Variants in SLC12A3 observed in about 807,000 individuals in gnomAD.
SLC12A3 encodes the protein solute carrier family 12 member 3, also known as Na-Cl cotransporter.
SLC12A3 carries 104 observed loss-of-function variants against 121.0 expected under a neutral mutation model. The ratio of observed to expected loss-of-function variants is 0.86; its 90% confidence interval spans 0.73 to 1.01. The LOEUF (loss-of-function observed/expected upper bound fraction) is 1.01. Among genes scored for constraint, SLC12A3 ranks in the 50% least tolerant of loss-of-function variants. SLC12A3 has a pLI of 0.00. For synonymous variants in SLC12A3, 536 were observed against 533.4 expected, an observed-to-expected ratio of 1.00 and a Z score of -0.07; for missense variants, 1,328 against 1,356.3, an observed-to-expected ratio of 0.98 and a Z score of 0.33.
Position 56,893,155 on chromosome 16 carries a change from G to T in SLC12A3, c.2521+101G>T. The T allele has an allele frequency of 4.2e-6, 4 of 962,328 alleles. No individual in the cohort carries two copies. In the South Asian group the frequency reaches 5.6e-5, roughly 14 times the overall value. The allele number at this position is 962,328 out of a possible 1,614,324, so 59.6% of individuals were successfully genotyped here. A position where few individuals can be genotyped will look rare whatever the true frequency, so the allele number is the denominator to read the frequency against. On this transcript the variant is annotated intron_variant, in intron 21 of 25. Coordinates refer to ENST00000563236, the MANE Select transcript of SLC12A3 (RefSeq NM_001126108.2). ...TGGCCTGCTCTCAAAGGGGACAGGG[G>T]CTCCTGGGCCCAGCAGTGAGCTCAG...
In SLC12A3 at chr16:56,902,625, C is replaced by T. The variant is rs1419058187; in HGVS notation, c.2856+117C>T. 93 of 1,297,978 alleles carry T rather than the reference C, an allele frequency of 7.2e-5. 2 individuals are homozygous for T. The highest frequency in any genetic ancestry group is 5.0e-4 in the South Asian group (40 of 79,706). The allele number at this position is 1,297,978 out of a possible 1,614,324, so 80.4% of individuals were successfully genotyped here. A position where few individuals can be genotyped will look rare whatever the true frequency, so the allele number is the denominator to read the frequency against. Reference sequence around the variant, plus strand: ...CGATCCTCCACCCTGCCTTCCACTCCGGCCCCTGAGGTATCCTCAAGCCAC... The same window carrying T: ...CGATCCTCCACCCTGCCTTCCACTCTGGCCCCTGAGGTATCCTCAAGCCAC... On this transcript the variant is annotated intron_variant, in intron 24 of 25. Transcript: ENST00000563236.
chr16:56,886,414 T>C lies in SLC12A3; in HGVS notation c.1976T>C (p.Val659Ala), dbSNP rs1260703178. 1 of 1,613,934 alleles carries C rather than the reference T, an allele frequency of 6.2e-7. No individual in the cohort carries two copies. The highest frequency in any genetic ancestry group is 8.5e-7 in the Non-Finnish European group (1 of 1,180,028). The change falls in exon 16 of 26, where the codon GTG becomes GCG. Residue 659 changes from valine to alanine, a missense_variant. Physicochemically the swap from Val to Ala is moderately conservative, Grantham distance 64. Coordinates refer to ENST00000563236, the MANE Select transcript of SLC12A3 (RefSeq NM_001126108.2). ...TGPPNFRPAL[V>A]DFVGTFTRNL... Reference sequence around the variant, plus strand: ...CCCCCCAACTTCCGCCCGGCCCTGGTGGACTTTGTGGGCACCTTCACCCGG... The same window carrying C: ...CCCCCCAACTTCCGCCCGGCCCTGGCGGACTTTGTGGGCACCTTCACCCGG...
intron 13 of SLC12A3, 142 bp from the exon 14 acceptor site, chr16:56,883,907 G>T (rs35121853): frequency 4.2e-4 from 343 of 812,028 alleles, no homozygotes; most frequent in Non-Finnish European, 6.5e-4. Context: ...GGCAGGGTGG[G>T]TGGTGCTCAT....
intron 15 of SLC12A3, 51 bp from the exon 16 acceptor site, chr16:56,886,313 C>A (rs895326572): frequency 1.4e-6 from 2 of 1,382,898 alleles, no homozygotes; most frequent in Non-Finnish European, 2.1e-6. Flanking sequence ...GCACCCAGAC[C>A]CCCGTGGGCT....
rs13306668 is a variant in SLC12A3 at position 56,879,088 on chromosome 16, G to A, written c.1196G>A (p.Arg399His). 62 of 1,611,698 alleles carry A rather than the reference G, an allele frequency of 3.8e-5. No individual in the cohort carries two copies. Among genetic ancestry groups the A allele is most frequent in the East Asian group, 3.1e-4 (14 of 44,860 alleles). Residue 399 changes from arginine to histidine, a missense_variant, in exon 10 of 26, where the codon CGT (arginine) becomes CAT (histidine). By Grantham distance (29) the Arg-to-His change is conservative. Coordinates refer to ENST00000563236, the MANE Select transcript of SLC12A3 (RefSeq NM_001126108.2). ...ISATIGSCVV[R>H]DASGVLNDTV... Reference sequence around the variant, plus strand: ...CTCCTCTCAGGCTCCTGCGTGGTGCGTGATGCCTCTGGGGTCCTGAATGAC... The same window carrying A: ...CTCCTCTCAGGCTCCTGCGTGGTGCATGATGCCTCTGGGGTCCTGAATGAC...
intron 22 of SLC12A3, among the ~76,000 whole-genome samples, chr16:56,898,253 G>GGTTTTGTTTT (rs71381143): frequency 0.035 from 5,322 of 151,544 alleles, 147 homozygotes; most frequent in African/African-American, 0.073. Flanking sequence ...AGTTTGATTT[G>GGTTTTGTTTT]GTTTTGTTTT....
In SLC12A3 at chr16:56,892,092, T is replaced by C. The variant is rs2055395686; in HGVS notation, c.2378T>C (p.Val793Ala). 2 of 1,613,374 alleles carry C rather than the reference T, an allele frequency of 1.2e-6. No individual in the cohort carries two copies. Among genetic ancestry groups the C allele is most frequent in the African/African-American group, 1.3e-5 (1 of 74,992 alleles). ...SKMMQAHINP[V>A]FDPAEDGKEA... is the part of the protein sequence containing the mutation. ...GCCTCTTCTTTTGCAGTTAACCCCGTGTTTGACCCAGCGGAGGACGGGAAG... is the reference window on the plus strand; with the variant it reads ...GCCTCTTCTTTTGCAGTTAACCCCGCGTTTGACCCAGCGGAGGACGGGAAG... The change falls in exon 20 of 26, where the codon GTG becomes GCG. Residue 793 changes from valine to alanine, a missense_variant. Transcript: ENST00000563236.
chr16:56,870,033 C>T, intron 4 of SLC12A3, 63 bp from the exon 5 acceptor site: 3 of 1,598,686 alleles, frequency 1.9e-6, no homozygotes, highest in Non-Finnish European at 2.6e-6. Flanking sequence ...CCTCTGCCTG[C>T]CCTGAGTCCA....
In SLC12A3 at chr16:56,872,657, G is replaced by T; in HGVS notation, c.966G>T (p.Ala322=). Residue 322 remains alanine (A), a splice_region_variant and synonymous_variant, in exon 8 of 26, where the codon GCG becomes GCT. Transcript: ENST00000563236. ...KASKGFFSYR[A]DIFVQNLVPD... is the part of the protein sequence containing the mutation. Reference sequence around the variant, plus strand: ...ACTCATCAGGCCTTGCTTTTCCAGCGGACATTTTTGTCCAGAACTTGGTGC... The same window carrying T: ...ACTCATCAGGCCTTGCTTTTCCAGCTGACATTTTTGTCCAGAACTTGGTGC... 1.9e-6 allele frequency: 3 copies of T among 1,614,242 alleles called. No individual in the cohort carries two copies. The highest frequency in any genetic ancestry group is 4.5e-5 in the East Asian group (2 of 44,888).
Position 56,904,368 on chromosome 16 carries a change from G to C in SLC12A3, c.2857-27G>C, listed in dbSNP as rs1390407396. The C allele has an allele frequency of 3.7e-6, 6 of 1,611,268 alleles. No individual in the cohort carries two copies. In the African/African-American group the frequency reaches 8.0e-5, roughly 22 times the overall value. Reference sequence around the variant, plus strand: ...TTGAGTGACCTCGATGATATGGGAAGTGACCACTCGGCTTTCTCCCGCCCA... The same window carrying C: ...TTGAGTGACCTCGATGATATGGGAACTGACCACTCGGCTTTCTCCCGCCCA... On this transcript the variant is annotated intron_variant, in intron 24 of 25. Coordinates refer to ENST00000563236, the MANE Select transcript of SLC12A3 (RefSeq NM_001126108.2).
intron 9 of SLC12A3, 45 bp downstream of exon 9, chr16:56,878,206 T>C (rs2055191860): frequency 2.8e-6 from 4 of 1,439,480 alleles, no homozygotes; most frequent in Non-Finnish European, 3.9e-6. Flanking sequence ...GGACCTGGCC[T>C]CCACCCTGCA....
chr16:56,904,924 G>T, intron 25 of SLC12A3: 1 of 287,620 alleles, frequency 3.5e-6, no homozygotes, highest in East Asian at 8.8e-5. Context: ...CTGGACCCAC[G>T]TCCAGTTCTG....
chr16:56,887,142 A>G (rs1259562606), intron 17 of SLC12A3, 49 bp downstream of exon 17: 1 of 1,612,494 alleles, frequency 6.2e-7, no homozygotes, highest in Non-Finnish European at 8.5e-7. Flanking sequence ...TTGGTGGCAC[A>G]ACCTGGAAGG....
chr16:56,876,469 C>T (rs565714258), intron 8 of SLC12A3, among the ~76,000 whole-genome samples: 1 of 152,192 alleles, frequency 6.6e-6, no homozygotes, highest in East Asian at 1.9e-4. Flanking sequence ...CAGGTCCATG[C>T]CTGCAGGGGC....
chr16:56,876,772 TG>T (rs1407006725), intron 8 of SLC12A3, among the ~76,000 whole-genome samples: 3 of 152,160 alleles, frequency 2.0e-5, no homozygotes, highest in African/African-American at 7.2e-5. Context: ...CAGGGAAGGC[TG>T]GGGGGGTTTA....
intron 22 of SLC12A3, among the ~76,000 whole-genome samples, chr16:56,895,285 G>A (rs1266083582): frequency 1.4e-5 from 2 of 145,406 alleles, no homozygotes; most frequent in African/African-American, 5.1e-5. Flanking sequence ...TCCGCCCCCT[G>A]GGTTCAAGCA....
chr16:56,894,703 C>A, intron 22 of SLC12A3, 61 bp downstream of exon 22: 2 of 1,278,618 alleles, frequency 1.6e-6, no homozygotes, highest in Non-Finnish European at 2.3e-6. Context: ...TAGCTCCACC[C>A]AAGGCTGTCC....
At chr16:56,910,786 G>A (rs1200029790) in intron 25 of SLC12A3, among the ~76,000 whole-genome samples, 1 of 152,242 alleles carries the variant, frequency 6.6e-6, no homozygotes, top group East Asian at 1.9e-4. Flanking sequence ...ATGCAGGGCT[G>A]TCTTTCACAT....
At chr16:56,878,236 A>AGGTCCCAAAACCC in intron 9 of SLC12A3, 75 bp downstream of exon 9, 1 of 1,128,408 alleles carries the variant, frequency 8.9e-7, no homozygotes, top group African/African-American at 1.5e-5. Context: ...AACCCTGACC[A>AGGTCCCAAAACCC]CTGGAGGGGA....
Sources: gnomAD v4.1 joint callset for allele counts (sites outside exome capture counted in the v4.1 genomes callset) on GRCh38, gnomAD v4.1.1 for gene constraint, MANE v1.5 for transcripts, NCBI Gene and HGNC (gene_info 2026-07-23, HGNC 2026-07-21) for gene names.